The following SGCZ variants were observed in gnomAD, a reference collection of about 807,000 sequenced individuals.
SGCZ encodes sarcoglycan zeta.
A neutral mutation model predicts 41.3 loss-of-function variants in SGCZ; 40 were observed. The ratio of observed to expected loss-of-function variants is 0.97; its 90% CI spans 0.75 to 1.26. The LOEUF (loss-of-function observed/expected upper bound fraction) is 1.26, where lower values mean the gene tolerates loss of function less well. Among genes scored for constraint, SGCZ ranks in the 50% most tolerant of loss-of-function variants. The probability of loss-of-function intolerance (pLI) is 0.00; values close to 1 mark genes in which losing one functional copy is unlikely to be tolerated. For synonymous variants in SGCZ, 206 were observed against 137.5 expected, an observed-to-expected ratio of 1.50 and a Z score of -3.49; for missense variants, 552 against 369.8, an observed-to-expected ratio of 1.49 and a Z score of -4.04.
chr8:14,331,078 T>C (rs1277957383), intron 2 of SGCZ, among the ~76,000 whole-genome samples: 1 of 151,740 alleles, frequency 6.6e-6, no homozygotes, highest in African/African-American at 2.4e-5. Flanking sequence ...TTATTTATTA[T>C]ATATTTAAAT....
chr8:15,017,571 G>A (rs1803085001), intron 1 of SGCZ, among the ~76,000 whole-genome samples: 1 of 152,014 alleles, frequency 6.6e-6, no homozygotes, highest in African/African-American at 2.4e-5. Flanking sequence ...GCACAACCAC[G>A]GCTCAATGCA....
At chr8:14,481,366 G>C (rs544558505) in intron 2 of SGCZ, among the ~76,000 whole-genome samples, 1 of 152,252 alleles carries the variant, frequency 6.6e-6, no homozygotes, top group South Asian at 2.1e-4. Context: ...AGGGGTCATA[G>C]AAATCACTGC....
chr8:14,208,942 G>C (rs1585233615), intron 4 of SGCZ, among the ~76,000 whole-genome samples: 1 of 152,120 alleles, frequency 6.6e-6, no homozygotes, highest in Non-Finnish European at 1.5e-5. Context: ...CTAACAAAAA[G>C]CAGCCTGTAA....
intron 1 of SGCZ, among the ~76,000 whole-genome samples, chr8:14,999,788 A>C (rs1253146105): frequency 6.6e-6 from 1 of 152,214 alleles, no homozygotes; most frequent in Non-Finnish European, 1.5e-5. Context: ...TGCACCATGC[A>C]AAGTAATGGG....
chr8:14,843,050 T>C (rs1436986599), intron 1 of SGCZ, among the ~76,000 whole-genome samples: 2 of 152,006 alleles, frequency 1.3e-5, no homozygotes, highest in Non-Finnish European at 2.9e-5. Context: ...CCATCTCTAC[T>C]AAAATACAAA....
At chr8:14,778,813 G>T (rs11989414) in intron 1 of SGCZ, among the ~76,000 whole-genome samples, 9,523 of 152,192 alleles carry the variant, frequency 0.063, 958 homozygotes, top group African/African-American at 0.21. Flanking sequence ...AAAGAAAGAA[G>T]ATCAACAATC....
intron 1 of SGCZ, among the ~76,000 whole-genome samples, chr8:14,603,936 C>G (rs1263190816): frequency 6.6e-6 from 1 of 152,002 alleles, no homozygotes; most frequent in South Asian, 2.1e-4. Flanking sequence ...TGTTTTCAAA[C>G]TAAGATTCCA....
At chr8:14,713,374 C>A (rs368355267) in intron 1 of SGCZ, among the ~76,000 whole-genome samples, 7 of 152,076 alleles carry the variant, frequency 4.6e-5, no homozygotes, top group Admixed American at 3.3e-4. Flanking sequence ...TAATTTGTCA[C>A]CATTATTGTA....
intron 1 of SGCZ, among the ~76,000 whole-genome samples, chr8:15,151,420 T>A (rs1462989475): frequency 6.6e-6 from 1 of 152,208 alleles, no homozygotes; most frequent in African/African-American, 2.4e-5. Context: ...ATTGAAATAA[T>A]GATATGTTCA....
At chr8:15,048,027 C>A (rs1473591232) in intron 1 of SGCZ, among the ~76,000 whole-genome samples, 1 of 152,004 alleles carries the variant, frequency 6.6e-6, no homozygotes, top group African/African-American at 2.4e-5. Flanking sequence ...AAAGAGATTT[C>A]TGTATTTCCA....
At chr8:14,477,746 T>A (rs1042970620) in intron 2 of SGCZ, among the ~76,000 whole-genome samples, 1 of 152,148 alleles carries the variant, frequency 6.6e-6, no homozygotes. Context: ...AGTTCACACA[T>A]GTAAAAGAGA....
At chr8:14,700,839 A>G (rs1242027596) in intron 1 of SGCZ, among the ~76,000 whole-genome samples, 1 of 151,946 alleles carries the variant, frequency 6.6e-6, no homozygotes, top group Non-Finnish European at 1.5e-5. Context: ...GGGAGGTGAT[A>G]GAAAACAAAG....
intron 2 of SGCZ, among the ~76,000 whole-genome samples, chr8:14,498,824 T>C (rs932307819): frequency 3.3e-5 from 5 of 152,058 alleles, no homozygotes; most frequent in African/African-American, 1.2e-4. Context: ...TTTTGTGCAA[T>C]ATTTTGCATC....
At chr8:15,203,478 G>T (rs1451532302) in intron 1 of SGCZ, among the ~76,000 whole-genome samples, 1 of 152,086 alleles carries the variant, frequency 6.6e-6, no homozygotes, top group Non-Finnish European at 1.5e-5. Context: ...GGGCAAACAA[G>T]ATCTTGATCT....
At chr8:14,338,001 T>C (rs1366449594) in intron 2 of SGCZ, among the ~76,000 whole-genome samples, 2 of 152,142 alleles carry the variant, frequency 1.3e-5, no homozygotes, top group East Asian at 3.9e-4. Flanking sequence ...CCATGGAGGC[T>C]AAGAAAATGT....
rs778039521 is a variant in SGCZ at position 14,630,324 on chromosome 8, A to C, written c.40-75398T>G. 1.6e-4 allele frequency among the ~76,000 whole-genome samples: 24 copies of C among 151,842 alleles called. 1 individual carries two copies. The highest frequency in any genetic ancestry group is 3.4e-3 in the Middle Eastern group (1 of 294). On this transcript the variant is annotated intron_variant, in intron 1 of 7. Coordinates refer to ENST00000382080, the MANE Select transcript of SGCZ (RefSeq NM_139167.4). ...CTTGCCTCTAGTGGGCTGTTCTAAG[A>C]GAGAGGCTTGGAGGAGAGAGATGGC...
intron 1 of SGCZ, among the ~76,000 whole-genome samples, chr8:14,843,289 T>C (rs1371936859): frequency 6.6e-6 from 1 of 152,142 alleles, no homozygotes; most frequent in East Asian, 1.9e-4. Context: ...TTAAGTCTTT[T>C]TTTTTAATAT....
intron 1 of SGCZ, among the ~76,000 whole-genome samples, chr8:14,848,999 A>G (rs927339859): frequency 2.0e-5 from 3 of 152,166 alleles, no homozygotes; most frequent in African/African-American, 7.2e-5. Flanking sequence ...CCAACAATTT[A>G]ATTAAAAATT....
chr8:14,108,845 C>T (rs886080407), intron 5 of SGCZ, among the ~76,000 whole-genome samples: 10 of 152,108 alleles, frequency 6.6e-5, no homozygotes, highest in Admixed American at 6.6e-4. Context: ...TGAGTATTCC[C>T]ACTCTCTCTT....
Sources: allele counts gnomAD v4.1 joint callset (sites outside exome capture counted in the v4.1 genomes callset), GRCh38; gene constraint gnomAD v4.1.1; transcripts MANE v1.5; gene names NCBI Gene and HGNC (gene_info 2026-07-23, HGNC 2026-07-21).